KHDRBS2: variants seen among roughly 807,000 people sequenced by gnomAD.
KHDRBS2 encodes KH RNA binding domain containing, signal transduction associated 2.
In KHDRBS2, 26 loss-of-function variants were observed where a neutral mutation model predicts 44.3. The observed-to-expected ratio is 0.59, with a 90% CI of 0.43 to 0.81. The LOEUF (loss-of-function observed/expected upper bound fraction) is 0.81, where lower values mean the gene tolerates loss of function less well. Among genes scored for constraint, KHDRBS2 ranks in the 40% least tolerant of loss-of-function variants. KHDRBS2 has a pLI of 0.00. For synonymous variants in KHDRBS2, 194 were observed against 151.1 expected (o/e 1.28, Z -2.08); for missense variants, 476 against 433.1 (o/e 1.10, Z -0.88).
the KHDRBS2 span, among the ~76,000 whole-genome samples, chr6:61,563,764 T>C: frequency 2.0e-4 from 30 of 152,226 alleles, no homozygotes; most frequent in South Asian, 4.1e-3. Context: ...TGTTGAGATC[T>C]AGTCATAGAA....
chr6:61,605,970 A>T, the KHDRBS2 span, among the ~76,000 whole-genome samples: 240 of 152,204 alleles, frequency 1.6e-3, 3 homozygotes, highest in Admixed American at 0.014. Context: ...CCACAAAAGA[A>T]GTGAAAATGG....
chr6:61,637,508 C>T, the KHDRBS2 span, among the ~76,000 whole-genome samples: 1 of 152,086 alleles, frequency 6.6e-6, no homozygotes, highest in Non-Finnish European at 1.5e-5. Flanking sequence ...GTGCGTGTGT[C>T]TTTATAGCAG....
the KHDRBS2 span, among the ~76,000 whole-genome samples, chr6:61,647,656 A>C: frequency 1.3e-5 from 2 of 152,192 alleles, no homozygotes; most frequent in African/African-American, 4.8e-5. Flanking sequence ...GTTTTCATTT[A>C]ATGTATGACA....
chr6:61,572,837 C>G, the KHDRBS2 span, among the ~76,000 whole-genome samples: 3 of 152,084 alleles, frequency 2.0e-5, no homozygotes, highest in African/African-American at 4.8e-5. Context: ...TAAAAGCCAT[C>G]TATGAAAAAC....
rs1451991500 is a variant in KHDRBS2, at chr6:61,848,548, TATAC to T, written c.810+46083_810+46086del. ...ATATATATACATATATATGTATATATATACATATATATATGTATATATATATACA... is the reference window on the plus strand; with the variant it reads ...ATATATATACATATATATGTATATATATATATATATGTATATATATATACA... On this transcript the variant is annotated intron_variant, in intron 6 of 8. Transcript: ENST00000281156. Among the ~76,000 whole-genome samples the T allele has an allele frequency of 3.7e-3, 197 of 53,482 alleles. 12 individuals are homozygous for T. The highest frequency in any genetic ancestry group is 6.0e-3 in the African/African-American group (33 of 5,488). The allele number at this position is 53,482 out of a possible 152,430, so 35.1% of individuals were successfully genotyped here. A position where few individuals can be genotyped will look rare whatever the true frequency, so the allele number is the denominator to read the frequency against.
intron 2 of KHDRBS2, among the ~76,000 whole-genome samples, chr6:62,067,709 T>C (rs1365180074): frequency 7.3e-5 from 11 of 151,498 alleles, no homozygotes; most frequent in Admixed American, 2.0e-4. Context: ...TGTAAAAAAA[T>C]CCCATACTTA....
intron 4 of KHDRBS2, among the ~76,000 whole-genome samples, chr6:61,920,283 C>T (rs557817897): frequency 9.9e-5 from 15 of 151,890 alleles, no homozygotes; most frequent in Admixed American, 2.6e-4. Flanking sequence ...ATTCTGGGGC[C>T]TAAATTTACA....
chr6:62,275,008 TACACACAC>T (rs145870587), intron 1 of KHDRBS2, among the ~76,000 whole-genome samples: 56 of 142,472 alleles, frequency 3.9e-4, no homozygotes, highest in Middle Eastern at 3.5e-3. Context: ...GCTCATCAAA[TACACACAC>T]ACACACACAC....
rs1842468845 is a variant in KHDRBS2 at position 62,286,140 on chromosome 6, C to T, written c.-192G>A. On this transcript the variant is annotated 5_prime_UTR_variant, in exon 1 of 9. The change creates a new upstream start codon in the 5' untranslated region. Transcript: ENST00000281156. Reference sequence around the variant, plus strand: ...GTCGGGCTGCGTGGCCCCGCGCCCACACCTGCCCGTCCCTTCCGTCGTCCC... The same window carrying T: ...GTCGGGCTGCGTGGCCCCGCGCCCATACCTGCCCGTCCCTTCCGTCGTCCC... 1.8e-6 allele frequency: 1 copy of T among 570,226 alleles called. No individual in the cohort carries two copies. Among genetic ancestry groups the T allele is most frequent in the Non-Finnish European group, 3.1e-6 (1 of 326,786 alleles). 35.3% of individuals were successfully genotyped at this position (570,226 alleles called of 1,614,324 possible).
intron 6 of KHDRBS2, among the ~76,000 whole-genome samples, chr6:61,757,556 C>T (rs1778674111): frequency 6.6e-6 from 1 of 152,096 alleles, no homozygotes; most frequent in Non-Finnish European, 1.5e-5. Flanking sequence ...AACTGGAGTA[C>T]TTAAAATCAT....
In KHDRBS2 at chr6:61,710,785, GT is replaced by G. The variant is rs1352615277; in HGVS notation, c.894-13533del. ...ACCTTCAGGTAGATCAGCTCTCATT[GT>G]ACCTGAGCTCTTTTTTTTTTTTTTT... On this transcript the variant is annotated intron_variant, in intron 7 of 8. Coordinates refer to ENST00000281156, the MANE Select transcript of KHDRBS2 (RefSeq NM_152688.4). 3.9e-4 allele frequency among the ~76,000 whole-genome samples: 51 copies of G among 131,284 alleles called. 1 individual carries two copies. The highest frequency in any genetic ancestry group is 1.7e-4 in the Admixed American group (2 of 12,092). The allele number at this position is 131,284 out of a possible 152,430, so 86.1% of individuals were successfully genotyped here.
chr6:61,742,738 C>T (rs1252599100), intron 6 of KHDRBS2, among the ~76,000 whole-genome samples: 1 of 151,958 alleles, frequency 6.6e-6, no homozygotes, highest in Non-Finnish European at 1.5e-5. Flanking sequence ...CATAAAGGTA[C>T]ACATCCTCAG....
At chr6:62,104,941 G>A (rs1802805207) in intron 2 of KHDRBS2, among the ~76,000 whole-genome samples, 1 of 152,030 alleles carries the variant, frequency 6.6e-6, no homozygotes, top group Non-Finnish European at 1.5e-5. Context: ...ACCAGTAACA[G>A]AAGTGAAAGA....
the KHDRBS2 span, among the ~76,000 whole-genome samples, chr6:61,552,558 G>C: frequency 6.6e-6 from 1 of 152,018 alleles, no homozygotes; most frequent in Non-Finnish European, 1.5e-5. Context: ...GGTGAAAATG[G>C]GCATCTTGTC....
chr6:61,969,189 T>C (rs535310214), intron 4 of KHDRBS2, among the ~76,000 whole-genome samples: 2 of 152,036 alleles, frequency 1.3e-5, no homozygotes, highest in Non-Finnish European at 2.9e-5. Context: ...AACAGATTAT[T>C]GTTGCTCATA....
At chr6:62,057,562 C>A (rs1181619698) in intron 2 of KHDRBS2, among the ~76,000 whole-genome samples, 2 of 151,846 alleles carry the variant, frequency 1.3e-5, no homozygotes, top group East Asian at 3.9e-4. Context: ...TCACAGTCAG[C>A]AATTGGTTCT....
At chr6:62,053,335 A>G (rs1789502424) in intron 2 of KHDRBS2, among the ~76,000 whole-genome samples, 1 of 151,956 alleles carries the variant, frequency 6.6e-6, no homozygotes, top group African/African-American at 2.4e-5. Context: ...GGAAATGCAT[A>G]GACCAAAGCC....
chr6:62,114,211 C>G (rs368920978), intron 2 of KHDRBS2, among the ~76,000 whole-genome samples: 1 of 152,040 alleles, frequency 6.6e-6, no homozygotes, highest in African/African-American at 2.4e-5. Flanking sequence ...GGGTGGGACA[C>G]AGCCAAACCA....
intron 4 of KHDRBS2, among the ~76,000 whole-genome samples, chr6:61,953,623 A>G (rs1765243002): frequency 6.6e-6 from 1 of 152,144 alleles, no homozygotes; most frequent in East Asian, 1.9e-4. Context: ...ACAAAGTTGT[A>G]AAAATATAAA....
Sources: gnomAD v4.1 joint callset for allele counts (sites outside exome capture counted in the v4.1 genomes callset) on GRCh38, gnomAD v4.1.1 for gene constraint, MANE v1.5 for transcripts, NCBI Gene and HGNC (gene_info 2026-07-23, HGNC 2026-07-21) for gene names.